Variants in ST6GAL1 observed in about 807,000 individuals in gnomAD.
The protein encoded by ST6GAL1 is beta-galactoside alpha-2,6-sialyltransferase 1.
ST6GAL1 carries 20 observed loss-of-function variants against 38.0 expected under a neutral mutation model. The ratio of observed to expected loss-of-function variants is 0.53; its 90% CI spans 0.37 to 0.77. The LOEUF is 0.77. ST6GAL1 is among the 30% of genes least tolerant of loss of function. ST6GAL1 has a pLI of 0.00. For missense variants in ST6GAL1, 432 were observed against 496.4 expected, an observed-to-expected ratio of 0.87 and a Z score of 1.23; for synonymous variants, 196 against 188.2, an observed-to-expected ratio of 1.04 and a Z score of -0.34.
chr3:187,016,076 G>A (rs1389957201), intron 2 of ST6GAL1, among the ~76,000 whole-genome samples: 1 of 152,198 alleles, frequency 6.6e-6, no homozygotes, highest in East Asian at 1.9e-4. Context: ...AACCCCCTAG[G>A]AGGCAATCAC....
At chr3:187,038,102 C>T (rs1027052605) in intron 2 of ST6GAL1, among the ~76,000 whole-genome samples, 2 of 151,998 alleles carry the variant, frequency 1.3e-5, no homozygotes, top group Admixed American at 1.3e-4. Context: ...CTGTTTACCT[C>T]CAAGCCAGCA....
intron 5 of ST6GAL1, among the ~76,000 whole-genome samples, chr3:187,052,205 C>T (rs1718538987): frequency 6.6e-6 from 1 of 152,140 alleles, no homozygotes; most frequent in Non-Finnish European, 1.5e-5. Flanking sequence ...CTATATCTGT[C>T]TCTTCACTTC....
intron 2 of ST6GAL1, chr3:186,986,790 A>C (rs1342064934): frequency 6.6e-6 from 1 of 152,164 alleles, no homozygotes; most frequent in African/African-American, 2.4e-5. Context: ...TGCGATCAGA[A>C]GAACCTGATG....
chr3:186,954,680 T>C (rs1167835940), intron 1 of ST6GAL1, among the ~76,000 whole-genome samples: 1 of 152,206 alleles, frequency 6.6e-6, no homozygotes, highest in Admixed American at 6.5e-5. Flanking sequence ...TGGGTTTTTT[T>C]TTTCTTGCAA....
intron 5 of ST6GAL1, among the ~76,000 whole-genome samples, chr3:187,067,093 T>TC (rs1281024932): frequency 1.1e-5 from 1 of 94,332 alleles, no homozygotes; most frequent in East Asian, 3.9e-4. Context: ...TTTTTTTTTT[T>TC]TTTTTTTTTT....
chr3:186,978,610 C>T (rs951330526), intron 2 of ST6GAL1, among the ~76,000 whole-genome samples: 3 of 152,350 alleles, frequency 2.0e-5, no homozygotes, highest in East Asian at 1.9e-4. Flanking sequence ...CTCTTCACCT[C>T]TTCGTGCTCC....
intron 2 of ST6GAL1, among the ~76,000 whole-genome samples, chr3:186,975,519 T>C (rs1424931089): frequency 6.6e-6 from 1 of 152,174 alleles, no homozygotes; most frequent in African/African-American, 2.4e-5. Context: ...CTGAGGTTCG[T>C]ACCTGCCTGG....
At chr3:186,976,891 T>A (rs2108535155) in intron 2 of ST6GAL1, among the ~76,000 whole-genome samples, 1 of 152,352 alleles carries the variant, frequency 6.6e-6, no homozygotes, top group African/African-American at 2.4e-5. Flanking sequence ...CTTCAGTCAC[T>A]CATATTTACC....
chr3:187,071,732 C>T (rs1719382065), intron 5 of ST6GAL1, among the ~76,000 whole-genome samples: 1 of 146,016 alleles, frequency 6.8e-6, no homozygotes, highest in Non-Finnish European at 1.5e-5. Flanking sequence ...TGCACTCCAG[C>T]CTGGGCGACA....
intron 2 of ST6GAL1, chr3:187,006,382 A>G (rs1005769704): frequency 2.2e-4 from 34 of 152,200 alleles, no homozygotes; most frequent in Non-Finnish European, 1.2e-4. Flanking sequence ...TTTTTCAAGT[A>G]TTTATCAAAA....
intron 3 of ST6GAL1, among the ~76,000 whole-genome samples, chr3:187,040,685 T>C (rs1223982731): frequency 6.6e-6 from 1 of 152,250 alleles, no homozygotes; most frequent in Non-Finnish European, 1.5e-5. Flanking sequence ...TCTTCAGTTG[T>C]CATATGGTCA....
intron 2 of ST6GAL1, among the ~76,000 whole-genome samples, chr3:187,032,569 T>C (rs1184369002): frequency 6.6e-6 from 1 of 152,126 alleles, no homozygotes; most frequent in Non-Finnish European, 1.5e-5. Flanking sequence ...GAGAAGAAGG[T>C]TGACAAGATT....
intron 1 of ST6GAL1, among the ~76,000 whole-genome samples, chr3:186,937,130 T>C (rs1405648210): frequency 2.0e-5 from 3 of 152,108 alleles, no homozygotes; most frequent in African/African-American, 7.2e-5. Flanking sequence ...GAGAACATAC[T>C]GTATGTGCAG....
chr3:186,974,285 C>T lies in ST6GAL1; in HGVS notation c.-183+10359C>T, dbSNP rs6806052. On this transcript the variant is annotated intron_variant, in intron 2 of 7. Coordinates refer to ENST00000169298, the MANE Select transcript of ST6GAL1 (RefSeq NM_173216.2). ...TTGAGATTACCCATATCCAACCATC[C>T]ACAGGTGCTGCCGATACTGCAGGAA... 5.4e-3 allele frequency among the ~76,000 whole-genome samples: 826 copies of T among 152,280 alleles called. 6 individuals are homozygous for T. The highest frequency in any genetic ancestry group is 0.019 in the African/African-American group (775 of 41,550).
intron 2 of ST6GAL1, among the ~76,000 whole-genome samples, chr3:187,015,445 A>G (rs1278306475): frequency 6.6e-6 from 1 of 152,220 alleles, no homozygotes; most frequent in East Asian, 1.9e-4. Context: ...GACCTTGCAC[A>G]TTCACTGAAA....
intron 5 of ST6GAL1, among the ~76,000 whole-genome samples, chr3:187,065,979 A>G (rs932098222): frequency 3.3e-5 from 5 of 151,632 alleles, no homozygotes; most frequent in Non-Finnish European, 5.9e-5. Flanking sequence ...ATTTGGTTCT[A>G]GGTGTTTGCC....
rs554420821 is a variant in ST6GAL1, at chr3:186,952,809, C to T, written c.-324-10976C>T. On this transcript the variant is annotated intron_variant, in intron 1 of 7. Transcript: ENST00000169298. This position sits in a 1 kb window ranked among gnomAD's most constrained non-coding sequence, Gnocchi z 4.1. ...TTCAACCATCTACTTGACAAGTTTC[C>T]TTAGACATCTAATATACATCTCAAA... is the stretch of plus-strand genomic sequence containing the variant. Among the ~76,000 whole-genome samples the T allele has an allele frequency of 1.6e-4, 25 of 152,242 alleles. No individual in the cohort carries two copies. The South Asian group carries it at 1.9e-3, about 11-fold the overall frequency.
rs558227160 is a variant in ST6GAL1 at position 187,034,399 on chromosome 3, A to G, written c.-182-4343A>G. On this transcript the variant is annotated intron_variant, in intron 2 of 7. Coordinates refer to ENST00000169298, the MANE Select transcript of ST6GAL1 (RefSeq NM_173216.2). ...AGGCAGACAGATCCCTCTCTAACTC[A>G]TTCTATGAAGCCAGCATTACCCTGA... Among the ~76,000 whole-genome samples, 14 of 152,356 alleles carry G rather than the reference A, an allele frequency of 9.2e-5. No individual in the cohort carries two copies. The South Asian group carries it at 2.7e-3, about 29-fold the overall frequency.
intron 2 of ST6GAL1, among the ~76,000 whole-genome samples, chr3:187,015,299 A>G (rs945555240): frequency 2.6e-5 from 4 of 152,220 alleles, no homozygotes; most frequent in African/African-American, 9.6e-5. Context: ...AGTTATTCTC[A>G]AAAGTAAAAA....
Sources: allele counts gnomAD v4.1 joint callset (sites outside exome capture counted in the v4.1 genomes callset), GRCh38; gene constraint gnomAD v4.1.1; non-coding constraint Gnocchi (gnomAD v3.1); transcripts MANE v1.5; gene names NCBI Gene and HGNC (gene_info 2026-07-23, HGNC 2026-07-21).